The following VPS13B variants were observed in gnomAD, a reference collection of about 807,000 sequenced individuals.
VPS13B encodes the protein vacuolar protein sorting 13 homolog B.
A neutral mutation model predicts 426.4 loss-of-function variants in VPS13B; 285 were observed. That is an observed-to-expected ratio of 0.67 (90% CI 0.61 to 0.74). The LOEUF is 0.74. Among genes scored for constraint, VPS13B ranks in the 30% least tolerant of loss-of-function variants. The probability of loss-of-function intolerance (pLI) is 0.00; values close to 1 mark genes in which losing one functional copy is unlikely to be tolerated. For synonymous variants in VPS13B, 1,676 were observed against 1,676.4 expected (o/e 1.00, Z 0.01); for missense variants, 4,537 against 4,782.6 (o/e 0.95, Z 1.51).
rs1817372505 is a variant in VPS13B, at chr8:99,870,892, AATT to A, written c.11495+9_11495+11del. ...CAGCCATGTCAAATATGTCTGGTAAAATTATTGAGATACGTGCTCAACTTTACA... is the reference window on the plus strand; with the variant it reads ...CAGCCATGTCAAATATGTCTGGTAAAATTGAGATACGTGCTCAACTTTACA... On this transcript the variant is annotated splice_donor_region_variant and intron_variant, in intron 60 of 61. Coordinates refer to ENST00000357162, the MANE Select transcript of VPS13B (RefSeq NM_152564.5). 2 of 1,613,528 alleles carry A rather than the reference AATT, an allele frequency of 1.2e-6. No individual in the cohort carries two copies. Among genetic ancestry groups the A allele is most frequent in the Non-Finnish European group, 1.7e-6 (2 of 1,179,464 alleles).
intron 3 of VPS13B, among the ~76,000 whole-genome samples, chr8:99,056,715 CA>C (rs1232686497): frequency 6.6e-6 from 1 of 152,080 alleles, no homozygotes; most frequent in African/African-American, 2.4e-5. Context: ...GTGGAGGTGG[CA>C]GGGGGTGAAA....
chr8:99,711,562 CA>C (rs1213278175), intron 36 of VPS13B, among the ~76,000 whole-genome samples: 1 of 150,534 alleles, frequency 6.6e-6, no homozygotes, highest in African/African-American at 2.5e-5. Context: ...TAGGCTTGAG[CA>C]AAAGAATAAA....
At chr8:99,262,769 C>CTGTTGTTGTTGTTGTTGT (rs373225716) in intron 17 of VPS13B, among the ~76,000 whole-genome samples, 4 of 149,910 alleles carry the variant, frequency 2.7e-5, no homozygotes, top group African/African-American at 9.9e-5. Context: ...TTTGGATGGT[C>CTGTTGTTGTTGTTGTTGT]TGTTGTTGTT....
intron 17 of VPS13B, among the ~76,000 whole-genome samples, chr8:99,200,846 A>C (rs1287967279): frequency 6.6e-6 from 1 of 151,876 alleles, no homozygotes; most frequent in Admixed American, 6.6e-5. Flanking sequence ...TTGTCTTTTT[A>C]CTTTTCTGAT....
chr8:99,096,719 G>A lies in VPS13B; in HGVS notation c.412+287G>A, dbSNP rs373747854. On this transcript the variant is annotated intron_variant, in intron 4 of 61. Transcript: ENST00000357162. Reference sequence around the variant, plus strand: ...TACAGTGAGCCAAGATCATGCTACTGCATTCCAGCCTGGGTGACAGAGTGA... The same window carrying A: ...TACAGTGAGCCAAGATCATGCTACTACATTCCAGCCTGGGTGACAGAGTGA... Among the ~76,000 whole-genome samples the A allele has an allele frequency of 1.6e-4, 23 of 145,658 alleles. No homozygotes were observed. In the East Asian group the frequency reaches 3.4e-3, roughly 22 times the overall value.
chr8:99,202,895 G>T (rs539256015), intron 17 of VPS13B, among the ~76,000 whole-genome samples: 3 of 151,998 alleles, frequency 2.0e-5, no homozygotes, highest in South Asian at 2.1e-4. Flanking sequence ...TTAACTGGGC[G>T]TGGTGGTGGG....
intron 21 of VPS13B, among the ~76,000 whole-genome samples, chr8:99,418,501 T>TTCTTTCTTTCTTTC (rs1563718958): frequency 4.0e-5 from 6 of 148,616 alleles, no homozygotes; most frequent in African/African-American, 1.5e-4. Flanking sequence ...CTTTCTTTCT[T>TTCTTTCTTTCTTTC]TCTTTCTTTC....
At chr8:99,522,363 T>G (rs1167663421) in intron 30 of VPS13B, among the ~76,000 whole-genome samples, 1 of 152,206 alleles carries the variant, frequency 6.6e-6, no homozygotes, top group Non-Finnish European at 1.5e-5. Flanking sequence ...ATCAGTAAAG[T>G]GAACCACTGA....
intron 39 of VPS13B, among the ~76,000 whole-genome samples, chr8:99,747,387 A>C (rs1242927046): frequency 6.6e-6 from 1 of 152,102 alleles, no homozygotes; most frequent in Admixed American, 6.6e-5. Context: ...GAGACAGTGA[A>C]GTCCTGTGAT....
intron 35 of VPS13B, among the ~76,000 whole-genome samples, chr8:99,676,416 G>A (rs1030167705): frequency 1.3e-5 from 2 of 152,048 alleles, no homozygotes; most frequent in African/African-American, 4.8e-5. Flanking sequence ...AAGAGGCTCA[G>A]TACATGGGTA....
intron 17 of VPS13B, among the ~76,000 whole-genome samples, chr8:99,271,247 A>G (rs6468676): frequency 0.64 from 94,936 of 148,630 alleles, 31,247 homozygotes; most frequent in South Asian, 0.72. Context: ...TACTACTACT[A>G]CGATGATGAT....
intron 35 of VPS13B, among the ~76,000 whole-genome samples, chr8:99,677,962 G>C (rs1051275568): frequency 6.6e-5 from 10 of 151,894 alleles, no homozygotes; most frequent in Non-Finnish European, 1.0e-4. Context: ...ACACAGTCTT[G>C]AGCCTTCCTT....
chr8:99,251,581 T>C (rs1817513884), intron 17 of VPS13B, among the ~76,000 whole-genome samples: 1 of 152,190 alleles, frequency 6.6e-6, no homozygotes, highest in African/African-American at 2.4e-5. Context: ...AATTCTATTT[T>C]TAATATTTTG....
At chr8:99,311,067 CTTT>C (rs1271243920) in intron 19 of VPS13B, among the ~76,000 whole-genome samples, 1 of 151,954 alleles carries the variant, frequency 6.6e-6, no homozygotes, top group Non-Finnish European at 1.5e-5. Context: ...CTCTTTTCTT[CTTT>C]ATTAGTCTTG....
At chr8:99,748,027 A>G (rs1407277905) in intron 39 of VPS13B, among the ~76,000 whole-genome samples, 3 of 151,926 alleles carry the variant, frequency 2.0e-5, no homozygotes, top group Admixed American at 6.6e-5. Flanking sequence ...TCTGTTTTAC[A>G]TCTTTATTTT....
intron 19 of VPS13B, among the ~76,000 whole-genome samples, chr8:99,333,584 A>C (rs989102170): frequency 6.6e-6 from 1 of 151,902 alleles, no homozygotes; most frequent in African/African-American, 2.4e-5. Context: ...ACCTACCACC[A>C]TAGTCAAGAT....
intron 33 of VPS13B, among the ~76,000 whole-genome samples, chr8:99,597,082 T>C (rs1271546013): frequency 6.6e-6 from 1 of 152,048 alleles, no homozygotes; most frequent in African/African-American, 2.4e-5. Context: ...GTGACAAATA[T>C]TGTCTTTTCC....
Position 99,521,072 on chromosome 8 carries a change from G to T in VPS13B, c.4745+62G>T, listed in dbSNP as rs1400944264. On this transcript the variant is annotated intron_variant, in intron 30 of 61. Transcript: ENST00000357162. ...TTTCATCCTGCAAACACATATAGTGGTCAATAACTTAGTGTGGCCTGTAGA... is the reference window on the plus strand; with the variant it reads ...TTTCATCCTGCAAACACATATAGTGTTCAATAACTTAGTGTGGCCTGTAGA... 2.3e-6 allele frequency: 3 copies of T among 1,304,020 alleles called. No individual in the cohort carries two copies. In the African/African-American group the frequency reaches 4.4e-5, roughly 19 times the overall value. 80.8% of individuals were successfully genotyped at this position (1,304,020 alleles called of 1,614,324 possible).
intron 3 of VPS13B, among the ~76,000 whole-genome samples, chr8:99,044,549 A>G (rs914467298): frequency 6.6e-6 from 1 of 151,794 alleles, no homozygotes; most frequent in Non-Finnish European, 1.5e-5. Context: ...GTTTGGTTAC[A>G]TGAGTAAATT....
Sources: allele counts gnomAD v4.1 joint callset (sites outside exome capture counted in the v4.1 genomes callset), GRCh38; gene constraint gnomAD v4.1.1; transcripts MANE v1.5; gene names NCBI Gene and HGNC (gene_info 2026-07-23, HGNC 2026-07-21).